Variants in ZNF407 observed in about 807,000 individuals in gnomAD.
ZNF407 encodes the protein zinc finger protein 407.
ZNF407 carries 17 observed loss-of-function variants against 131.2 expected under a neutral mutation model. That is an observed-to-expected ratio of 0.13 (90% CI 0.09 to 0.19). The LOEUF (loss-of-function observed/expected upper bound fraction) is 0.19. Among genes scored for constraint, ZNF407 ranks in the 10% least tolerant of loss-of-function variants. The pLI, the probability that ZNF407 is intolerant of heterozygous loss-of-function variation, is 1.00. For missense variants in ZNF407, 2,681 were observed against 2,830.6 expected (o/e 0.95, Z 1.20); for synonymous variants, 1,156 against 1,062.0 (o/e 1.09, Z -1.72).
At chr18:74,776,077 C>G (rs909151327) in intron 3 of ZNF407, among the ~76,000 whole-genome samples, 2 of 152,152 alleles carry the variant, frequency 1.3e-5, no homozygotes, top group African/African-American at 4.8e-5. Flanking sequence ...TACCTAATCC[C>G]CAGTGCCATA....
At chr18:74,972,734 C>T (rs539402794) in intron 8 of ZNF407, among the ~76,000 whole-genome samples, 1 of 151,920 alleles carries the variant, frequency 6.6e-6, no homozygotes, top group Non-Finnish European at 1.5e-5. Flanking sequence ...TTTGAGTAAA[C>T]TTTATTTGAG....
chr18:74,679,326 T>C (rs191936528), intron 3 of ZNF407, among the ~76,000 whole-genome samples: 29 of 152,352 alleles, frequency 1.9e-4, no homozygotes, highest in Non-Finnish European at 3.1e-4. Context: ...TATTGTGATG[T>C]CTTACTGCAT....
At chr18:74,784,498 A>C (rs147371677) in intron 4 of ZNF407, among the ~76,000 whole-genome samples, 1 of 152,228 alleles carries the variant, frequency 6.6e-6, no homozygotes, top group South Asian at 2.1e-4. Context: ...AATTATTTCA[A>C]ATATTTTCTT....
chr18:74,699,848 A>G (rs1967450041), intron 3 of ZNF407, among the ~76,000 whole-genome samples: 1 of 152,190 alleles, frequency 6.6e-6, no homozygotes, highest in Non-Finnish European at 1.5e-5. Flanking sequence ...TGTAATACTT[A>G]TTTTATTGAA....
intron 3 of ZNF407, among the ~76,000 whole-genome samples, chr18:74,781,191 T>C: frequency 6.6e-6 from 1 of 152,150 alleles, no homozygotes; most frequent in East Asian, 1.9e-4. Flanking sequence ...ATTGTGCTCT[T>C]TTGCTCACTG....
At position 74,687,087 on chromosome 18, in the gene ZNF407, C is replaced by T. The variant is rs185315351; in HGVS notation, c.4802+45965C>T. Among the ~76,000 whole-genome samples, 6 of 152,184 alleles carry T rather than the reference C, an allele frequency of 3.9e-5. No homozygotes were observed. The Middle Eastern group carries it at 0.01, about 259-fold the overall frequency. ...AATATGGCTGGTGTGGTGGCTTATG[C>T]CTATAACCCTAGTGCTTTGGGAGGC... On this transcript the variant is annotated intron_variant, in intron 3 of 8. Transcript: ENST00000299687.
chr18:74,877,752 G>A (rs966601110), intron 5 of ZNF407, among the ~76,000 whole-genome samples: 6 of 152,182 alleles, frequency 3.9e-5, no homozygotes, highest in Non-Finnish European at 7.4e-5. Context: ...TGATATAAAC[G>A]AATTTCCATA....
chr18:74,718,393 G>A (rs190342876), intron 3 of ZNF407, among the ~76,000 whole-genome samples: 1 of 151,874 alleles, frequency 6.6e-6, no homozygotes, highest in African/African-American at 2.4e-5. Context: ...TTGTGCTGGT[G>A]CGTGCCTATA....
intron 3 of ZNF407, among the ~76,000 whole-genome samples, chr18:74,666,605 C>A (rs1467939305): frequency 6.6e-6 from 1 of 152,154 alleles, no homozygotes; most frequent in Non-Finnish European, 1.5e-5. Context: ...CACCTTGAGA[C>A]TGAGTATGTC....
At chr18:74,873,813 A>T (rs750676084) in intron 4 of ZNF407, among the ~76,000 whole-genome samples, 1 of 152,186 alleles carries the variant, frequency 6.6e-6, no homozygotes, top group Non-Finnish European at 1.5e-5. Context: ...CCTTATTCCA[A>T]GTTTAGCATA....
chr18:74,751,744 GC>G (rs913341515), intron 3 of ZNF407, among the ~76,000 whole-genome samples: 3 of 152,154 alleles, frequency 2.0e-5, no homozygotes, highest in African/African-American at 7.2e-5. Flanking sequence ...GTATGTATGT[GC>G]CACATTTTCT....
At chr18:74,687,690 C>A (rs959835937) in intron 3 of ZNF407, among the ~76,000 whole-genome samples, 2 of 152,066 alleles carry the variant, frequency 1.3e-5, no homozygotes, top group Admixed American at 1.3e-4. Flanking sequence ...TAATGGTCAG[C>A]ATAACTCAAA....
chr18:74,665,526 A>G (rs1365090448), intron 3 of ZNF407, among the ~76,000 whole-genome samples: 1 of 152,182 alleles, frequency 6.6e-6, no homozygotes, highest in Non-Finnish European at 1.5e-5. Context: ...TACAGTGGTG[A>G]TGAGAAATAC....
Position 74,989,300 on chromosome 18 carries a change from T to C in ZNF407, c.5428+68608T>C, listed in dbSNP as rs531336241. 8.6e-5 allele frequency among the ~76,000 whole-genome samples: 13 copies of C among 152,046 alleles called. No homozygotes were observed. The South Asian group carries it at 2.5e-3, about 29-fold the overall frequency. ...TATTTGATTGACAGGATGTGGGAGG[T>C]TACTGACTACAGGAGGACACTGAGG... On this transcript the variant is annotated intron_variant, in intron 8 of 8. Coordinates refer to ENST00000299687, the MANE Select transcript of ZNF407 (RefSeq NM_017757.3).
intron 8 of ZNF407, among the ~76,000 whole-genome samples, chr18:75,053,892 G>A (rs572812143): frequency 2.4e-4 from 37 of 152,262 alleles, no homozygotes; most frequent in African/African-American, 4.8e-4. Flanking sequence ...GACTTGCTCC[G>A]CGGTGACAGC....
chr18:74,727,101 T>A (rs776349114), intron 3 of ZNF407, among the ~76,000 whole-genome samples: 4 of 152,226 alleles, frequency 2.6e-5, no homozygotes, highest in Non-Finnish European at 5.9e-5. Context: ...AGCACTTAGC[T>A]GGGTACTAAG....
intron 8 of ZNF407, among the ~76,000 whole-genome samples, chr18:75,025,526 T>C (rs1377185441): frequency 6.6e-6 from 1 of 152,216 alleles, no homozygotes; most frequent in Non-Finnish European, 1.5e-5. Flanking sequence ...AGCAGGTCTG[T>C]GCAATGTGTA....
intron 7 of ZNF407, among the ~76,000 whole-genome samples, chr18:74,907,395 C>T (rs1480478512): frequency 6.6e-6 from 1 of 152,204 alleles, no homozygotes; most frequent in Non-Finnish European, 1.5e-5. Context: ...GACTTTTAAG[C>T]TTCACAACTG....
intron 8 of ZNF407, among the ~76,000 whole-genome samples, chr18:74,927,155 T>A (rs980563699): frequency 1.2e-4 from 18 of 152,158 alleles, no homozygotes; most frequent in Non-Finnish European, 5.9e-5. Flanking sequence ...TCAAAACAAA[T>A]CTTGTTGATA....
Sources: allele counts gnomAD v4.1 joint callset (sites outside exome capture counted in the v4.1 genomes callset), GRCh38; gene constraint gnomAD v4.1.1; transcripts MANE v1.5; gene names NCBI Gene and HGNC (gene_info 2026-07-23, HGNC 2026-07-21).